The following MSL2 variants were observed in gnomAD, a reference collection of about 807,000 sequenced individuals.
MSL2 encodes the protein E3 ubiquitin-protein ligase MSL2.
In MSL2, 2 loss-of-function variants were observed where a neutral mutation model predicts 35.8. That is an observed-to-expected ratio of 0.06 (90% CI 0.02 to 0.18). MSL2 has a LOEUF of 0.18. MSL2 is among the 10% of genes least tolerant of loss of function. The pLI is 1.00. For missense variants in MSL2, 523 were observed against 706.7 expected, an observed-to-expected ratio of 0.74 and a Z score of 2.95; for synonymous variants, 296 against 255.7, an observed-to-expected ratio of 1.16 and a Z score of -1.50.
chr3:136,190,567 T>C (rs1005923516), intron 1 of MSL2, among the ~76,000 whole-genome samples: 2 of 151,838 alleles, frequency 1.3e-5, no homozygotes, highest in Admixed American at 1.3e-4. Flanking sequence ...AGGAAAATAT[T>C]CATGTTCCCG....
intron 1 of MSL2, among the ~76,000 whole-genome samples, chr3:136,158,483 G>C (rs899455956): frequency 4.6e-5 from 7 of 151,948 alleles, no homozygotes; most frequent in Admixed American, 6.6e-5. Flanking sequence ...ATGGTGGTGG[G>C]CACCAAAAAA....
At chr3:136,167,180 T>C (rs1939875937) in intron 1 of MSL2, among the ~76,000 whole-genome samples, 1 of 152,092 alleles carries the variant, frequency 6.6e-6, no homozygotes. Context: ...TGGCAAAAAT[T>C]ATCAGAGATT....
rs1939327944 is a variant in MSL2, at chr3:136,150,537, CT to C, written c.*609del. The C allele has an allele frequency of 6.6e-6, 1 of 152,638 alleles. No individual in the cohort carries two copies. The highest frequency in any genetic ancestry group is 6.5e-5 in the Admixed American group (1 of 15,280). 9.5% of individuals were successfully genotyped at this position (152,638 alleles called of 1,614,324 possible). On this transcript the variant is annotated 3_prime_UTR_variant, in exon 2 of 2. Coordinates refer to ENST00000309993, the MANE Select transcript of MSL2 (RefSeq NM_018133.4). Reference sequence around the variant, plus strand: ...ACATTTGTAGTCTGACAGAATTTTACTTTTTAAAAAGATTTCTTAAACATTC... The same window carrying C: ...ACATTTGTAGTCTGACAGAATTTTACTTTTAAAAAGATTTCTTAAACATTC...
chr3:136,172,093 G>A (rs556592579), intron 1 of MSL2, among the ~76,000 whole-genome samples: 1 of 152,128 alleles, frequency 6.6e-6, no homozygotes, highest in Non-Finnish European at 1.5e-5. Context: ...TTACAGGCGT[G>A]AGCCACCGCA....
At chr3:136,153,063 A>G (rs1939417671) in intron 1 of MSL2, 1 of 985,300 alleles carries the variant, frequency 1.0e-6, no homozygotes, top group Non-Finnish European at 1.2e-6. Flanking sequence ...AGACACCAGA[A>G]GCACAAACTA....
intron 1 of MSL2, among the ~76,000 whole-genome samples, chr3:136,181,981 G>GA (rs1052502228): frequency 6.6e-6 from 1 of 150,398 alleles, no homozygotes; most frequent in African/African-American, 2.4e-5. Flanking sequence ...GTGGGCTGAA[G>GA]AAAAAAAAAT....
At chr3:136,171,897 C>CT (rs144650027) in intron 1 of MSL2, among the ~76,000 whole-genome samples, 4,419 of 151,816 alleles carry the variant, frequency 0.029, 108 homozygotes, top group Non-Finnish European at 0.047. Flanking sequence ...GAAACTTTTT[C>CT]TTTTTTTTGG....
At position 136,158,228 on chromosome 3, in the gene MSL2, C is replaced by T. The variant is rs191838024; in HGVS notation, c.143-5490G>A. Among the ~76,000 whole-genome samples the T allele has an allele frequency of 9.2e-3, 1,403 of 151,954 alleles. 7 individuals carry two copies. Among genetic ancestry groups the T allele is most frequent in the Non-Finnish European group, 0.013 (881 of 67,970 alleles). On this transcript the variant is annotated intron_variant, in intron 1 of 1. Transcript: ENST00000309993. ...TCAGGAGGCTGAGGCAGGAGAATCGCTTCAATCCAGGAGGCGGAGGCTGCG... is the reference window on the plus strand; with the variant it reads ...TCAGGAGGCTGAGGCAGGAGAATCGTTTCAATCCAGGAGGCGGAGGCTGCG...
At position 136,151,192 on chromosome 3, in the gene MSL2, A is replaced by G. The variant is rs774747387; in HGVS notation, c.1689T>C (p.Asp563=). 2.4e-5 allele frequency: 39 copies of G among 1,614,068 alleles called. No individual in the cohort carries two copies. Among genetic ancestry groups the G allele is most frequent in the African/African-American group, 1.1e-4 (8 of 74,944 alleles). Residue 563 remains aspartate, a synonymous_variant, in exon 2 of 2, where the codon GAT becomes GAC. Coordinates refer to ENST00000309993, the MANE Select transcript of MSL2 (RefSeq NM_018133.4). This position sits in a 1 kb window ranked among gnomAD's most constrained non-coding sequence, Gnocchi z 5.2. ...CTATAGCTTCATCCAAACTTTTATC[A>G]TCATGTGTACTGGCAGCTAAAAACG... ...VTTFLAASTH[D]DKSLDEAIDM...
intron 1 of MSL2, among the ~76,000 whole-genome samples, chr3:136,176,989 G>C (rs982660802): frequency 1.3e-5 from 2 of 152,308 alleles, no homozygotes; most frequent in South Asian, 4.1e-4. Context: ...ACTCTCCTAA[G>C]ACAGCACAAG....
chr3:136,173,035 C>T (rs1396298946), intron 1 of MSL2, among the ~76,000 whole-genome samples: 3 of 152,026 alleles, frequency 2.0e-5, no homozygotes, highest in African/African-American at 2.4e-5. Flanking sequence ...TGGTGGTGTG[C>T]GCCTGTAATC....
chr3:136,192,693 A>G (rs913852997), intron 1 of MSL2, among the ~76,000 whole-genome samples: 2 of 152,224 alleles, frequency 1.3e-5, no homozygotes, highest in Non-Finnish European at 2.9e-5. Flanking sequence ...ATGAAAAGGT[A>G]GTAGCGGGTC....
intron 1 of MSL2, among the ~76,000 whole-genome samples, chr3:136,159,354 CTTTTTTTTTTTTTTTT>C (rs71157361): frequency 3.1e-4 from 22 of 70,062 alleles, no homozygotes; most frequent in Middle Eastern, 9.8e-3. Flanking sequence ...AGAGTACTTT[CTTTTTTTTTTTTTTTT>C]TTTTTTTTTT....
At chr3:136,164,886 T>C (rs1313858115) in intron 1 of MSL2, among the ~76,000 whole-genome samples, 1 of 152,106 alleles carries the variant, frequency 6.6e-6, no homozygotes, top group Non-Finnish European at 1.5e-5. Context: ...TCAGACTTTT[T>C]TTTTTTGAGT....
intron 1 of MSL2, among the ~76,000 whole-genome samples, chr3:136,181,106 T>C (rs1026338446): frequency 1.3e-5 from 2 of 151,750 alleles, no homozygotes; most frequent in Non-Finnish European, 2.9e-5. Context: ...TGAGGTGAGA[T>C]TGCGCCACTG....
intron 1 of MSL2, among the ~76,000 whole-genome samples, chr3:136,165,136 A>T (rs1939808191): frequency 6.6e-6 from 1 of 151,890 alleles, no homozygotes; most frequent in African/African-American, 2.4e-5. Context: ...TTGGCCTCCC[A>T]AAGTGCTGGG....
At chr3:136,169,926 G>C (rs999898246) in intron 1 of MSL2, among the ~76,000 whole-genome samples, 1 of 151,872 alleles carries the variant, frequency 6.6e-6, no homozygotes, top group Non-Finnish European at 1.5e-5. Context: ...TGTGGTGGCA[G>C]ATGCCTGTAA....
chr3:136,194,477 C>G, intron 1 of MSL2: 1 of 985,894 alleles, frequency 1.0e-6, no homozygotes, highest in Non-Finnish European at 1.2e-6. Flanking sequence ...GTGGAGGAAC[C>G]TGGGGCAAAG....
chr3:136,169,475 G>GTCTCT (rs913602081), intron 1 of MSL2, among the ~76,000 whole-genome samples: 1 of 152,046 alleles, frequency 6.6e-6, no homozygotes, highest in African/African-American at 2.4e-5. Context: ...TTGAGACGCA[G>GTCTCT]TCTCACTCTG....
Sources: gnomAD v4.1 joint callset for allele counts (sites outside exome capture counted in the v4.1 genomes callset) on GRCh38, gnomAD v4.1.1 for gene constraint, Gnocchi (gnomAD v3.1) non-coding constraint, MANE v1.5 for transcripts, NCBI Gene and HGNC (gene_info 2026-07-23, HGNC 2026-07-21) for gene names.